The following GCC2 variants were observed in gnomAD, a reference collection of about 807,000 sequenced individuals.
GCC2 encodes GRIP and coiled-coil domain-containing protein 2.
In GCC2, 120 loss-of-function variants were observed where a neutral mutation model predicts 210.6. The ratio of observed to expected loss-of-function variants is 0.57; its 90% CI spans 0.49 to 0.66. The LOEUF is 0.66. GCC2 is among the 30% of genes least tolerant of loss of function. The pLI is 0.00. For synonymous variants in GCC2, 703 were observed against 652.7 expected (o/e 1.08, Z -1.17); for missense variants, 1,868 against 1,871.9 (o/e 1.00, Z 0.04).
chr2:108,481,165 C>T (rs1681831962), intron 9 of GCC2, among the ~76,000 whole-genome samples: 1 of 152,160 alleles, frequency 6.6e-6, no homozygotes, highest in South Asian at 2.1e-4. Context: ...AAAGAAAATT[C>T]AGTTGTCTTT....
rs756364486 is a variant in GCC2 at position 108,471,427 on chromosome 2, G to GA, written c.2106dup (p.Gln703ThrfsTer4). On this transcript the variant is annotated frameshift_variant, in exon 6 of 23. Transcript: ENST00000309863. LOFTEE classifies it high-confidence loss of function. ...TGAGGAAAACAATAAACTCAGTTCA[G>GA]AAAAAAAACAGTTGAGTAGGGATTT... is the stretch of plus-strand genomic sequence containing the variant. The GA allele has an allele frequency of 2.0e-5, 32 of 1,603,188 alleles. No individual in the cohort carries two copies. Among genetic ancestry groups the GA allele is most frequent in the Admixed American group, 1.2e-4 (7 of 57,762 alleles).
intron 4 of GCC2, among the ~76,000 whole-genome samples, chr2:108,467,089 A>G (rs1680936457): frequency 6.6e-6 from 1 of 152,120 alleles, no homozygotes; most frequent in Non-Finnish European, 1.5e-5. Context: ...CTTCAAAAGT[A>G]TCCTGGCTAT....
intron 4 of GCC2, among the ~76,000 whole-genome samples, chr2:108,453,117 C>T (rs935082976): frequency 6.6e-6 from 1 of 152,164 alleles, no homozygotes; most frequent in African/African-American, 2.4e-5. Flanking sequence ...GATCCATATC[C>T]CTGGACATGT....
At chr2:108,457,613 A>G (rs148520638) in intron 4 of GCC2, among the ~76,000 whole-genome samples, 1 of 152,282 alleles carries the variant, frequency 6.6e-6, no homozygotes, top group East Asian at 1.9e-4. Context: ...TGAGCATGAA[A>G]TGTCTTCCTG....
chr2:108,449,519 AG>A, intron 1 of GCC2, 113 bp from the exon 2 acceptor site: 1 of 1,266,736 alleles, frequency 7.9e-7, no homozygotes. Context: ...CTGTCTCACG[AG>A]GCTTTCCACC....
chr2:108,460,858 G>A (rs1222317219), intron 4 of GCC2, among the ~76,000 whole-genome samples: 1 of 152,150 alleles, frequency 6.6e-6, no homozygotes, highest in Non-Finnish European at 1.5e-5. Flanking sequence ...GATAGTGAGT[G>A]ACTTCTCATG....
intron 2 of GCC2, 171 bp downstream of exon 2, chr2:108,449,860 C>T (rs1020552525): frequency 1.9e-4 from 115 of 593,430 alleles, no homozygotes; most frequent in Non-Finnish European, 2.2e-4. Flanking sequence ...CTCCCCCGCC[C>T]ACCCCGATAT....
At chr2:108,474,280 T>G (rs1051645603) in intron 7 of GCC2, among the ~76,000 whole-genome samples, 2 of 152,132 alleles carry the variant, frequency 1.3e-5, no homozygotes, top group African/African-American at 4.8e-5. Flanking sequence ...CACAGGAAAT[T>G]GAGAAGGAAC....
At position 108,472,906 on chromosome 2, in the gene GCC2, A is replaced by G. The variant is rs1160639958; in HGVS notation, c.2860+7A>G. The G allele has an allele frequency of 2.4e-5, 36 of 1,495,632 alleles. No homozygotes were observed. The highest frequency in any genetic ancestry group is 3.1e-5 in the Non-Finnish European group (34 of 1,082,752). The allele number at this position is 1,495,632 out of a possible 1,614,324, so 92.6% of individuals were successfully genotyped here. On this transcript the variant is annotated splice_region_variant and intron_variant, in intron 7 of 22. Coordinates refer to ENST00000309863, the MANE Select transcript of GCC2 (RefSeq NM_181453.4). ...GAGTTGGAAGAAAAAATAGGTAACT[A>G]TGGTTTTGCAGATGTTGTCACAATT...
chr2:108,453,976 ATATT>A (rs1031586994), intron 4 of GCC2, among the ~76,000 whole-genome samples: 1 of 151,888 alleles, frequency 6.6e-6, no homozygotes, highest in Non-Finnish European at 1.5e-5. Flanking sequence ...CGTTGGTTAT[ATATT>A]TATTTATTTT....
chr2:108,491,541 C>T (rs1682403387), intron 18 of GCC2, among the ~76,000 whole-genome samples: 2 of 152,098 alleles, frequency 1.3e-5, no homozygotes, highest in East Asian at 3.9e-4. Context: ...CCACTAAACC[C>T]TGTTTGAAAC....
In GCC2 at chr2:108,489,967, C is replaced by T. The variant is rs143480889; in HGVS notation, c.4182C>T (p.Asn1394=). The change falls in exon 18 of 23, where the codon AAC becomes AAT. Residue 1394 remains asparagine, a synonymous_variant. Coordinates refer to ENST00000309863, the MANE Select transcript of GCC2 (RefSeq NM_181453.4). ...ATGATACACTGCTAGAAAGGCACAA[C>T]AAGATGCTGCAGGAAACTGTGTCCA... The part of the protein sequence containing the change: ...SEHDTLLERH[N]KMLQETVSKE... 3.1e-6 allele frequency: 5 copies of T among 1,610,802 alleles called. No individual in the cohort carries two copies. In the African/African-American group the frequency reaches 4.0e-5, roughly 13 times the overall value.
intron 18 of GCC2, among the ~76,000 whole-genome samples, chr2:108,492,361 T>C (rs1374066387): frequency 6.6e-6 from 1 of 152,212 alleles, no homozygotes; most frequent in Non-Finnish European, 1.5e-5. Flanking sequence ...ATCTGAAATG[T>C]GTAACACAGA....
chr2:108,486,143 A>G (rs2104485293), intron 15 of GCC2, among the ~76,000 whole-genome samples: 1 of 152,280 alleles, frequency 6.6e-6, no homozygotes, highest in East Asian at 1.9e-4. Context: ...GTGCAAAATA[A>G]AATAAGCCTG....
intron 22 of GCC2, among the ~76,000 whole-genome samples, chr2:108,504,072 T>G (rs1290068187): frequency 6.6e-6 from 1 of 152,162 alleles, no homozygotes; most frequent in East Asian, 1.9e-4. Flanking sequence ...GTCGAAATCC[T>G]GGTCATGCCA....
Position 108,469,979 on chromosome 2 carries a change from C to T in GCC2, c.650C>T (p.Thr217Ile). The T allele has an allele frequency of 6.2e-7, 1 of 1,612,828 alleles. No homozygotes were observed. The highest frequency in any genetic ancestry group is 8.5e-7 in the Non-Finnish European group (1 of 1,179,236). ...ACTGATGAAAAGAAGGAAACAGTTA[C>T]TCAACTCCAAAATATCATTGAGGCT... ...ATTDEKKETV[T>I]QLQNIIEANS... Residue 217 changes from threonine (T) to isoleucine (I), a missense_variant, in exon 6 of 23, where the codon ACT (threonine) becomes ATT (isoleucine). Around this residue, in one of 3 missense-constraint regions of GCC2, gnomAD observed 1,847 missense variants for 1,765.2 expected, o/e 1.05. Transcript: ENST00000309863.
At position 108,462,079 on chromosome 2, in the gene GCC2, C is replaced by T. The variant is rs568026870; in HGVS notation, c.217-6901C>T. Among the ~76,000 whole-genome samples the T allele has an allele frequency of 1.7e-3, 253 of 147,386 alleles. No individual in the cohort carries two copies. In the Middle Eastern group the frequency reaches 0.025, roughly 15 times the overall value. On this transcript the variant is annotated intron_variant, in intron 4 of 22. Transcript: ENST00000309863. ...GTCTTGATCTCCTGACCTCGTGATC[C>T]GCCCGCCTCGGCCTCCCAAAGTGCT... is the stretch of plus-strand genomic sequence containing the variant.
In GCC2 at chr2:108,485,187, G is replaced by A. The variant is rs560560287; in HGVS notation, c.3614-449G>A. Among the ~76,000 whole-genome samples, 53 of 151,310 alleles carry A rather than the reference G, an allele frequency of 3.5e-4. 1 individual carries two copies. The highest frequency in any genetic ancestry group is 1.2e-3 in the African/African-American group (51 of 41,206). On this transcript the variant is annotated intron_variant, in intron 13 of 22. Coordinates refer to ENST00000309863, the MANE Select transcript of GCC2 (RefSeq NM_181453.4). ...GGACTGTGGTGGGGTGGGGGGAGTG[G>A]GGAGGGATAGCATTGGGAGATATAC...
chr2:108,507,532 C>CTTTTTTTTTT, intron 22 of GCC2, 28 bp from the exon 23 acceptor site: 1 of 1,292,752 alleles, frequency 7.7e-7, no homozygotes, highest in South Asian at 1.4e-5. Flanking sequence ...TTTTATTTTT[C>CTTTTTTTTTT]TTTTTTTTTT....
Sources: gnomAD v4.1 joint callset for allele counts (sites outside exome capture counted in the v4.1 genomes callset) on GRCh38, gnomAD v4.1.1 for gene constraint, gnomAD v4.1.1 regional missense constraint, MANE v1.5 for transcripts, NCBI Gene and HGNC (gene_info 2026-07-23, HGNC 2026-07-21) for gene names.